STRN: variants seen among roughly 807,000 people sequenced by gnomAD.
The protein encoded by STRN is striatin, also known as protein phosphatase 2 regulatory subunit B'''alpha.
Under a neutral mutation model 96.3 loss-of-function variants are expected in STRN, and 53 were observed. The observed-to-expected ratio is 0.55, with a 90% CI of 0.44 to 0.69. The LOEUF (loss-of-function observed/expected upper bound fraction) is 0.69. Among genes scored for constraint, STRN ranks in the 30% least tolerant of loss-of-function variants. STRN has a pLI of 0.00. For synonymous variants in STRN, 428 were observed against 355.9 expected, an observed-to-expected ratio of 1.20 and a Z score of -2.28; for missense variants, 987 against 963.9, an observed-to-expected ratio of 1.02 and a Z score of -0.32.
At chr2:36,944,576 T>C (rs981597443) in intron 1 of STRN, among the ~76,000 whole-genome samples, 1 of 152,230 alleles carries the variant, frequency 6.6e-6, no homozygotes, top group African/African-American at 2.4e-5. Context: ...TAGATTTATC[T>C]TTAATAAAAT....
At position 36,916,069 on chromosome 2, in the gene STRN, T is replaced by G. The variant is rs771467481; in HGVS notation, c.412+9A>C. 1 of 1,609,358 alleles carries G rather than the reference T, an allele frequency of 6.2e-7. No individual in the cohort carries two copies. Among genetic ancestry groups the G allele is most frequent in the Non-Finnish European group, 8.5e-7 (1 of 1,176,916 alleles). On this transcript the variant is annotated intron_variant, in intron 3 of 17. Transcript: ENST00000263918. ...TTTAACACTTAAACTTCCATTAAAA[T>G]TAGCTTACCAGAATCATAGCTTGGA... is the stretch of plus-strand genomic sequence containing the variant.
Position 36,861,257 on chromosome 2 carries a change from G to C in STRN, c.1548-4C>G. ...TACCACACAAAGCACTGGACCTCTG[G>C]GAGATTAAAAAAAATAAATCAACTG... On this transcript the variant is annotated splice_polypyrimidine_tract_variant and splice_region_variant and intron_variant, in intron 12 of 17. Transcript: ENST00000263918. 6.2e-7 allele frequency: 1 copy of C among 1,606,708 alleles called. No homozygotes were observed. Among genetic ancestry groups the C allele is most frequent in the Non-Finnish European group, 8.5e-7 (1 of 1,177,754 alleles).
Position 36,902,743 on chromosome 2 carries a change from T to A in STRN, c.500A>T (p.Gln167Leu), listed in dbSNP as rs1489094476. The A allele has an allele frequency of 1.9e-6, 3 of 1,602,722 alleles. No individual in the cohort carries two copies. In the Admixed American group the frequency reaches 5.1e-5, roughly 27 times the overall value. ...AATAGTATCTGTATAACCCACCTCCTGTAGATACCTGTGTGAAGAGAATCC... is the reference window on the plus strand; with the variant it reads ...AATAGTATCTGTATAACCCACCTCCAGTAGATACCTGTGTGAAGAGAATCC... ...QGRQLLRQYLQEVGYTDTILD... is the reference protein window; with the variant it reads ...QGRQLLRQYLLEVGYTDTILD... The change falls in exon 5 of 18, where the codon CAG (glutamine) becomes CTG (leucine). Residue 167 changes from glutamine (Q) to leucine (L), a missense_variant. By Grantham distance (113) the Gln-to-Leu change is moderately radical (BLOSUM62 -2). Coordinates refer to ENST00000263918, the MANE Select transcript of STRN (RefSeq NM_003162.4).
Position 36,901,202 on chromosome 2 carries a change from C to T in STRN, c.659+1382G>A, listed in dbSNP as rs552467735. Among the ~76,000 whole-genome samples, 3 of 152,248 alleles carry T rather than the reference C, an allele frequency of 2.0e-5. No homozygotes were observed. In the South Asian group the frequency reaches 6.2e-4, roughly 32 times the overall value. On this transcript the variant is annotated intron_variant, in intron 5 of 17. Transcript: ENST00000263918. ...CAAGGCCAAAACACACAAGAGTGGT[C>T]TTCCCTCAAAGTCTTTACTGAAGGT...
chr2:36,868,488 G>A (rs539351992), intron 11 of STRN, among the ~76,000 whole-genome samples: 10 of 152,088 alleles, frequency 6.6e-5, no homozygotes, highest in Non-Finnish European at 1.5e-4. Flanking sequence ...CCTAATACTG[G>A]CTATGACTTT....
chr2:36,884,842 G>C (rs562242820), intron 8 of STRN, among the ~76,000 whole-genome samples: 27 of 151,966 alleles, frequency 1.8e-4, no homozygotes, highest in South Asian at 6.2e-4. Flanking sequence ...AAAAATTTAT[G>C]GTGGTTTATA....
At chr2:36,930,054 T>C (rs1361869153) in intron 1 of STRN, among the ~76,000 whole-genome samples, 1 of 152,322 alleles carries the variant, frequency 6.6e-6, no homozygotes, top group African/African-American at 2.4e-5. Flanking sequence ...CTGAAAAGCT[T>C]TGGATTATAT....
chr2:36,876,603 C>G (rs1030825330), intron 10 of STRN, among the ~76,000 whole-genome samples: 1 of 152,022 alleles, frequency 6.6e-6, no homozygotes, highest in East Asian at 1.9e-4. Flanking sequence ...ACCTGTGCTG[C>G]AAGAGATACA....
chr2:36,880,276 A>AT (rs1008709224), intron 9 of STRN, among the ~76,000 whole-genome samples: 5 of 151,964 alleles, frequency 3.3e-5, no homozygotes, highest in Admixed American at 6.6e-5. Flanking sequence ...CCTCTACAAA[A>AT]TTTTTTTTAA....
In STRN at chr2:36,929,118, G is replaced by A. The variant is rs182243844; in HGVS notation, c.235-3910C>T. Reference sequence around the variant, plus strand: ...GTTGAACTTCCATGATACTTTATACGTATTTTTCACAGTATAGAAAATTAT... The same window carrying A: ...GTTGAACTTCCATGATACTTTATACATATTTTTCACAGTATAGAAAATTAT... On this transcript the variant is annotated intron_variant, in intron 1 of 17. Transcript: ENST00000263918. Among the ~76,000 whole-genome samples, 634 of 152,030 alleles carry A rather than the reference G, an allele frequency of 4.2e-3. 5 individuals are homozygous for A. Among genetic ancestry groups the A allele is most frequent in the African/African-American group, 0.015 (613 of 41,472 alleles).
In STRN at chr2:36,849,378, T is replaced by G; in HGVS notation, c.*78A>C. On this transcript the variant is annotated 3_prime_UTR_variant, in exon 18 of 18. Coordinates refer to ENST00000263918, the MANE Select transcript of STRN (RefSeq NM_003162.4). ...GAACAAAAGGGCAGGACGAGATGATTCTTGCCCTCGTCTTCTGTATCTCTT... is the reference window on the plus strand; with the variant it reads ...GAACAAAAGGGCAGGACGAGATGATGCTTGCCCTCGTCTTCTGTATCTCTT... 1 of 1,515,418 alleles carries G rather than the reference T, an allele frequency of 6.6e-7. No individual in the cohort carries two copies. Among genetic ancestry groups the G allele is most frequent in the Admixed American group, 1.9e-5 (1 of 53,556 alleles). The allele number at this position is 1,515,418 out of a possible 1,614,324, so 93.9% of individuals were successfully genotyped here. A position where few individuals can be genotyped will look rare whatever the true frequency, so the allele number is the denominator to read the frequency against.
Position 36,925,153 on chromosome 2 carries a change from T to C in STRN, c.290A>G (p.Asp97Gly). The C allele has an allele frequency of 6.2e-7, 1 of 1,613,946 alleles. No individual in the cohort carries two copies. The highest frequency in any genetic ancestry group is 8.5e-7 in the Non-Finnish European group (1 of 1,179,850). ...CAACATTTTGATCCTCCTCACAAGA[T>C]CCTTCTTCAAATTTTCTTGGCCCTT... ...ERKGQENLKK[D>G]LVRRIKMLEY... Residue 97 changes from aspartate to glycine, a missense_variant, in exon 2 of 18, where the codon GAT (aspartate) becomes GGT (glycine). Physicochemically the swap from Asp to Gly is moderately conservative, Grantham distance 94. Coordinates refer to ENST00000263918, the MANE Select transcript of STRN (RefSeq NM_003162.4).
intron 10 of STRN, among the ~76,000 whole-genome samples, chr2:36,872,330 C>T (rs1171118320): frequency 1.3e-5 from 2 of 152,132 alleles, no homozygotes; most frequent in African/African-American, 4.8e-5. Flanking sequence ...AAAGTCTCCA[C>T]CAATAGACAG....
rs1022040184 is a variant in STRN at position 36,845,311 on chromosome 2, T to A, written c.*4145A>T. The A allele has an allele frequency of 6.6e-6, 1 of 152,160 alleles. No homozygotes were observed. The highest frequency in any genetic ancestry group is 2.4e-5 in the African/African-American group (1 of 41,446). 9.4% of individuals were successfully genotyped at this position (152,160 alleles called of 1,614,324 possible). The stretch of plus-strand genomic sequence containing the variant: ...TTCAGTCTGATTTGTGACATCTTAA[T>A]ACAATATAACTTAAATGACAAAGCC... On this transcript the variant is annotated 3_prime_UTR_variant, in exon 18 of 18. Transcript: ENST00000263918.
At chr2:36,933,718 C>T (rs1670631862) in intron 1 of STRN, among the ~76,000 whole-genome samples, 1 of 152,182 alleles carries the variant, frequency 6.6e-6, no homozygotes, top group Non-Finnish European at 1.5e-5. Flanking sequence ...GATTCTCCTG[C>T]TTCAGCCTCT....
At chr2:36,959,047 C>T (rs1664965400) in intron 1 of STRN, among the ~76,000 whole-genome samples, 1 of 152,150 alleles carries the variant, frequency 6.6e-6, no homozygotes, top group Non-Finnish European at 1.5e-5. Context: ...ACCCAGGAGG[C>T]GGAGGTTGCA....
intron 4 of STRN, 160 bp from the exon 5 acceptor site, chr2:36,902,911 G>C (rs1260490606): frequency 2.1e-6 from 1 of 481,990 alleles, no homozygotes; most frequent in African/African-American, 2.0e-5. Context: ...TCCAGCTGCA[G>C]ATGGAGCTGT....
chr2:36,851,408 G>A (rs1349540225), intron 15 of STRN, among the ~76,000 whole-genome samples: 3 of 152,078 alleles, frequency 2.0e-5, no homozygotes, highest in African/African-American at 4.8e-5. Context: ...ACTTGAACCC[G>A]GGAGATGGAA....
At chr2:36,945,344 A>G (rs893588133) in intron 1 of STRN, among the ~76,000 whole-genome samples, 1 of 152,208 alleles carries the variant, frequency 6.6e-6, no homozygotes, top group Non-Finnish European at 1.5e-5. Context: ...TCAAAATAAC[A>G]TTATCAAAAA....
Sources: allele counts gnomAD v4.1 joint callset (sites outside exome capture counted in the v4.1 genomes callset), GRCh38; gene constraint gnomAD v4.1.1; transcripts MANE v1.5; gene names NCBI Gene and HGNC (gene_info 2026-07-23, HGNC 2026-07-21).